EDEM3: variants seen among roughly 807,000 people sequenced by gnomAD.
EDEM3 encodes ER degradation enhancing alpha-mannosidase like protein 3.
Under a neutral mutation model 110.2 loss-of-function variants are expected in EDEM3, and 60 were observed. The observed-to-expected ratio is 0.54, with a 90% CI of 0.44 to 0.67. EDEM3 has a LOEUF of 0.67. Among genes scored for constraint, EDEM3 ranks in the 30% least tolerant of loss-of-function variants. EDEM3 has a pLI of 0.00. For synonymous variants in EDEM3, 352 were observed against 382.9 expected (o/e 0.92, Z 0.94); for missense variants, 996 against 1,121.0 (o/e 0.89, Z 1.59).
intron 8 of EDEM3, among the ~76,000 whole-genome samples, chr1:184,722,610 T>C (rs1650964202): frequency 1.3e-5 from 2 of 152,108 alleles, no homozygotes; most frequent in South Asian, 4.1e-4. Flanking sequence ...CTGAAATAAC[T>C]GACTGTGAAG....
Position 184,690,492 on chromosome 1 carries a change from TAAAAC to T in EDEM3, c.*3566_*3570del, listed in dbSNP as rs1486129482. 3 of 152,560 alleles carry T rather than the reference TAAAAC, an allele frequency of 2.0e-5. No individual in the cohort carries two copies. The highest frequency in any genetic ancestry group is 1.5e-5 in the Non-Finnish European group (1 of 68,006). 9.5% of individuals were successfully genotyped at this position (152,560 alleles called of 1,614,324 possible). Reference sequence around the variant, plus strand: ...GCACAGTGATTCTAAAAATTCAAATTAAAACTAAACTGGAATATTTACATATTTTA... The same window carrying T: ...GCACAGTGATTCTAAAAATTCAAATTTAAACTGGAATATTTACATATTTTA... On this transcript the variant is annotated 3_prime_UTR_variant, in exon 20 of 20. Transcript: ENST00000318130.
intron 8 of EDEM3, among the ~76,000 whole-genome samples, chr1:184,722,618 A>T (rs1240811832): frequency 6.6e-6 from 1 of 151,982 alleles, no homozygotes; most frequent in Non-Finnish European, 1.5e-5. Context: ...ACTGACTGTG[A>T]AGAGTCAAAA....
rs151135282 is a variant in EDEM3, at chr1:184,732,840, T to C, written c.609A>G (p.Pro203=). 7.7e-5 allele frequency: 124 copies of C among 1,612,340 alleles called. No homozygotes were observed. In the African/African-American group the frequency reaches 1.4e-3, roughly 19 times the overall value. The stretch of plus-strand genomic sequence containing the variant: ...CATATTTTTCAGAAGTACTTACTCT[T>C]GGATAAGGAAGGCCACTGGTAGTGT... ...AFNTTSGLPY[P]RINLKFGIRK... is the part of the protein sequence containing the mutation. The change falls in exon 6 of 20, where the codon CCA becomes CCG. Residue 203 remains proline (P), a synonymous_variant. Coordinates refer to ENST00000318130, the MANE Select transcript of EDEM3 (RefSeq NM_025191.4).
At chr1:184,748,807 C>T (rs547834912) in intron 2 of EDEM3, among the ~76,000 whole-genome samples, 2 of 152,304 alleles carry the variant, frequency 1.3e-5, no homozygotes, top group East Asian at 3.9e-4. Context: ...CTCTGCCAAA[C>T]TTTCCCAACT....
chr1:184,694,968 T>C (rs1649254276), intron 19 of EDEM3, among the ~76,000 whole-genome samples: 1 of 152,084 alleles, frequency 6.6e-6, no homozygotes, highest in Admixed American at 6.6e-5. Context: ...ACATAGATTT[T>C]TTTGAATGAC....
rs949977004 is a variant in EDEM3, at chr1:184,692,719, A to G, written c.*1344T>C. ...ACAACAGGGCTGTCTACAAACATCA[A>G]CAACAAAATTTAAAAATTTTTAAGA... is the stretch of plus-strand genomic sequence containing the variant. On this transcript the variant is annotated 3_prime_UTR_variant, in exon 20 of 20. Transcript: ENST00000318130. The G allele has an allele frequency of 6.6e-6, 1 of 151,268 alleles. No homozygotes were observed. The highest frequency in any genetic ancestry group is 1.5e-5 in the Non-Finnish European group (1 of 67,754). The allele number at this position is 151,268 out of a possible 1,614,324, so 9.4% of individuals were successfully genotyped here.
At chr1:184,726,452 T>C in intron 6 of EDEM3, 63 bp from the exon 7 acceptor site, 1 of 1,514,488 alleles carries the variant, frequency 6.6e-7, no homozygotes, top group South Asian at 1.2e-5. Context: ...GATAAGAAAC[T>C]ACTTTTCAAT....
chr1:184,746,916 G>A (rs1433746951), intron 2 of EDEM3, among the ~76,000 whole-genome samples: 2 of 151,580 alleles, frequency 1.3e-5, no homozygotes, highest in Non-Finnish European at 2.9e-5. Flanking sequence ...CTACAAAAAA[G>A]TAAATGACTT....
chr1:184,710,686 T>C, intron 15 of EDEM3, 139 bp from the exon 16 acceptor site: 1 of 1,022,404 alleles, frequency 9.8e-7, no homozygotes, highest in Non-Finnish European at 1.4e-6. Flanking sequence ...GAAAGTATTT[T>C]CTTACATATA....
At chr1:184,712,289 A>G in intron 14 of EDEM3, 144 bp downstream of exon 14, 1 of 784,142 alleles carries the variant, frequency 1.3e-6, no homozygotes, top group Non-Finnish European at 1.9e-6. Context: ...AGGATGCAAT[A>G]AAAGAAAAAA....
intron 9 of EDEM3, 83 bp downstream of exon 9, chr1:184,721,206 A>G: frequency 9.5e-7 from 1 of 1,047,400 alleles, no homozygotes; most frequent in Non-Finnish European, 1.4e-6. Flanking sequence ...TTATTTTTAC[A>G]ATGTCATTCA....
chr1:184,731,906 G>C (rs1186093865), intron 6 of EDEM3, among the ~76,000 whole-genome samples: 1 of 152,084 alleles, frequency 6.6e-6, no homozygotes, highest in African/African-American at 2.4e-5. Flanking sequence ...CCTGGGTGTG[G>C]TGGCTCATGC....
chr1:184,754,406 T>C (rs1652971859), intron 1 of EDEM3, 83 bp downstream of exon 1: 5 of 1,588,192 alleles, frequency 3.1e-6, no homozygotes, highest in Non-Finnish European at 4.3e-6. Context: ...GAGAGGCCAC[T>C]ACGCGACCGG....
intron 2 of EDEM3, among the ~76,000 whole-genome samples, chr1:184,747,020 C>T (rs1344250830): frequency 3.0e-5 from 4 of 132,924 alleles, no homozygotes; most frequent in Non-Finnish European, 6.6e-5. Context: ...TGATCAAATG[C>T]AAAAAAAAAA....
chr1:184,720,527 T>TTTTTTTTTTTTTTTTTTTTTTTTTTTGG, intron 9 of EDEM3: 1 of 137,872 alleles, frequency 7.3e-6, no homozygotes, highest in African/African-American at 2.6e-5. Flanking sequence ...TTTTTTTTTT[T>TTTTTTTTTTTTTTTTTTTTTTTTTTTGG]GAGACGGAGT....
chr1:184,734,023 T>G (rs1028666953), intron 5 of EDEM3, among the ~76,000 whole-genome samples: 16 of 152,202 alleles, frequency 1.1e-4, no homozygotes, highest in African/African-American at 3.9e-4. Context: ...AGATATTACC[T>G]TTCAGTCTAG....
At chr1:184,695,705 G>A (rs748804849) in intron 19 of EDEM3, among the ~76,000 whole-genome samples, 4 of 151,968 alleles carry the variant, frequency 2.6e-5, no homozygotes, top group Non-Finnish European at 5.9e-5. Context: ...TACAGAGGGA[G>A]AACTGTAAGG....
At chr1:184,714,485 T>C (rs1044444869) in intron 13 of EDEM3, among the ~76,000 whole-genome samples, 2 of 152,166 alleles carry the variant, frequency 1.3e-5, no homozygotes, top group African/African-American at 4.8e-5. Flanking sequence ...TGTGTGTGTA[T>C]GTCTGTGTCT....
At chr1:184,701,739 T>G (rs1170424891) in intron 19 of EDEM3, among the ~76,000 whole-genome samples, 1 of 152,166 alleles carries the variant, frequency 6.6e-6, no homozygotes, top group Non-Finnish European at 1.5e-5. Context: ...CTTTGTATTC[T>G]GTTCTGTTTC....
Sources: gnomAD v4.1 joint callset for allele counts (sites outside exome capture counted in the v4.1 genomes callset) on GRCh38, gnomAD v4.1.1 for gene constraint, MANE v1.5 for transcripts, NCBI Gene and HGNC (gene_info 2026-07-23, HGNC 2026-07-21) for gene names.